The following PLCH2 variants were observed in gnomAD, a reference collection of about 807,000 sequenced individuals.
The protein encoded by PLCH2 is phospholipase C eta 2.
A neutral mutation model predicts 134.7 loss-of-function variants in PLCH2; 98 were observed. The observed-to-expected ratio is 0.73, with a 90% confidence interval of 0.62 to 0.86. PLCH2 has a LOEUF of 0.86. Ranked by LOEUF, PLCH2 falls within the 40% of genes least tolerant of loss-of-function variation. PLCH2 has a pLI of 0.00. For synonymous variants in PLCH2, 974 were observed against 827.5 expected (o/e 1.18, Z -3.04); for missense variants, 1,994 against 1,986.6 (o/e 1.00, Z -0.07).
At chr1:2,503,334 G>A (rs556677894) in intron 21 of PLCH2, 1 of 578,572 alleles carries the variant, frequency 1.7e-6, no homozygotes, top group South Asian at 2.0e-5. Context: ...CTCCCTCTAG[G>A]GCAGGCTCCA....
Position 2,504,481 on chromosome 1 carries a change from T to C in PLCH2, c.3519T>C (p.Ala1173=). The C allele has an allele frequency of 6.2e-7, 1 of 1,612,204 alleles. No homozygotes were observed. The highest frequency in any genetic ancestry group is 8.5e-7 in the Non-Finnish European group (1 of 1,179,702). ...LGLGRSRENL[A]GAHMGRLPPR... Reference sequence around the variant, plus strand: ...TGGGCCGCAGCCGTGAGAACCTCGCTGGAGCCCACATGGGACGCCTGCCCC... The same window carrying C: ...TGGGCCGCAGCCGTGAGAACCTCGCCGGAGCCCACATGGGACGCCTGCCCC... Residue 1173 remains alanine (A), a synonymous_variant, in exon 22 of 22, where the codon GCT becomes GCC. Transcript: ENST00000378486.
the PLCH2 span, among the ~76,000 whole-genome samples, chr1:2,418,352 C>T: frequency 6.6e-6 from 1 of 152,188 alleles, no homozygotes; most frequent in Non-Finnish European, 1.5e-5. Context: ...TCAAAGCTGG[C>T]TCCCGGGTCT....
At chr1:2,486,330 C>T (rs1230022838) in intron 5 of PLCH2, among the ~76,000 whole-genome samples, 4 of 152,212 alleles carry the variant, frequency 2.6e-5, no homozygotes, top group African/African-American at 9.7e-5. Context: ...GGCTCCCCCA[C>T]CTGTTACCTC....
intron 1 of PLCH2, among the ~76,000 whole-genome samples, chr1:2,477,214 C>T (rs539859690): frequency 1.3e-5 from 2 of 152,244 alleles, no homozygotes; most frequent in South Asian, 2.1e-4. Flanking sequence ...TCTGTTCCAG[C>T]GGCAGACAGG....
intron 2 of PLCH2, among the ~76,000 whole-genome samples, chr1:2,433,775 C>T (rs1477955277): frequency 6.6e-6 from 1 of 152,256 alleles, no homozygotes; most frequent in African/African-American, 2.4e-5. Context: ...CCACCTCTCC[C>T]CGCTCCTTCG....
chr1:2,471,821 G>A (rs1011396845), upstream of PLCH2, among the ~76,000 whole-genome samples: 1 of 152,194 alleles, frequency 6.6e-6, no homozygotes, highest in Non-Finnish European at 1.5e-5. Flanking sequence ...AACAAAGTCA[G>A]GCCCCAGGGC....
chr1:2,494,479 G>GA (rs1398685100), intron 11 of PLCH2: 3 of 338,624 alleles, frequency 8.9e-6, no homozygotes, highest in African/African-American at 6.5e-5. Context: ...AGGCCTGGCC[G>GA]AGCAGTATTC....
intron 2 of PLCH2, among the ~76,000 whole-genome samples, chr1:2,432,593 C>G (rs775284649): frequency 6.6e-6 from 1 of 152,204 alleles, no homozygotes; most frequent in East Asian, 1.9e-4. Context: ...GGTGTGCACC[C>G]GGCCCCCACA....
intron 7 of PLCH2, 33 bp downstream of exon 7, chr1:2,487,409 C>T: frequency 6.3e-7 from 1 of 1,579,872 alleles, no homozygotes; most frequent in Non-Finnish European, 8.7e-7. Context: ...CGGCCGTGGG[C>T]TGGCATCTGC....
At chr1:2,466,099 G>A (rs765534727), upstream of PLCH2, among the ~76,000 whole-genome samples, 3 of 152,178 alleles carry the variant, frequency 2.0e-5, no homozygotes, top group South Asian at 4.1e-4. Context: ...TCTGGCACAC[G>A]TGCACTGCAG....
chr1:2,502,203 G>A lies in PLCH2; in HGVS notation c.2753G>A (p.Arg918Gln), dbSNP rs148560510. 1.2e-5 allele frequency: 18 copies of A among 1,537,410 alleles called. No homozygotes were observed. Among genetic ancestry groups the A allele is most frequent in the Admixed American group, 4.0e-5 (2 of 50,126 alleles). Residue 918 changes from arginine to glutamine, a missense_variant, in exon 21 of 22, where the codon CGG becomes CAG. Arg to Gln is a conservative substitution (Grantham distance 43). This residue lies in a region of PLCH2 where 900 missense variants were observed against 752.3 expected (regional missense o/e 1.20). Coordinates refer to ENST00000378486, the MANE Select transcript of PLCH2 (RefSeq NM_014638.4). Reference sequence around the variant, plus strand: ...CATGCTGCTGGGCGGCCCCCGGCCCGGCCCTCCGTTAGCCAGCGGATCCTG... The same window carrying A: ...CATGCTGCTGGGCGGCCCCCGGCCCAGCCCTCCGTTAGCCAGCGGATCCTG... The part of the protein sequence containing the change: ...DSHAAGRPPA[R>Q]PSVSQRILRR...
In PLCH2 at chr1:2,476,670, G is replaced by A. The variant is rs1463668159; in HGVS notation, c.82G>A (p.Gly28Arg). 1 of 1,610,796 alleles carries A rather than the reference G, an allele frequency of 6.2e-7. No homozygotes were observed. Among genetic ancestry groups the A allele is most frequent in the East Asian group, 2.2e-5 (1 of 44,800 alleles). The change falls in exon 1 of 22, where the codon GGG becomes AGG. Residue 28 changes from glycine to arginine, a missense_variant. Physicochemically the swap from Gly to Arg is moderately radical, Grantham distance 125. Around this residue, in one of 2 missense-constraint regions of PLCH2, gnomAD observed 1,094 missense variants for 1,234.3 expected, o/e 0.89. Transcript: ENST00000378486. ...WLAEVLLWVGGSVVLSSEWQL... is the reference protein window; with the variant it reads ...WLAEVLLWVGRSVVLSSEWQL... ...GGCGGAGGTACTCCTCTGGGTTGGA[G>A]GGAGTGTGGTGCTGTCTTCAGAGTG...
At chr1:2,467,524 C>G (rs981313150) in exon 1 of PLCH2, 71 of 398,152 alleles carry the variant, frequency 1.8e-4, no homozygotes, top group Non-Finnish European at 2.5e-4. Context: ...CGCGGGGTGC[C>G]CCTGCTCGGG....
intron 2 of PLCH2, among the ~76,000 whole-genome samples, chr1:2,436,429 TCTCCCTCCTCCCTTCCTCCCTTC>T (rs1557943519): frequency 0.014 from 215 of 15,804 alleles, 15 homozygotes; most frequent in East Asian, 0.12. Context: ...TTTCCTCCTT[TCTCCCTCCTCCCTTCCTCCCTTC>T]CTCCCTCCAC....
chr1:2,460,347 T>C (rs1222669569), intron 2 of PLCH2, among the ~76,000 whole-genome samples: 1 of 152,188 alleles, frequency 6.6e-6, no homozygotes, highest in African/African-American at 2.4e-5. Flanking sequence ...TTTCCTCACT[T>C]CCTCTCCAGC....
At chr1:2,452,244 A>G (rs943128077) in intron 2 of PLCH2, among the ~76,000 whole-genome samples, 11 of 152,188 alleles carry the variant, frequency 7.2e-5, no homozygotes, top group Admixed American at 2.0e-4. Context: ...TTCAGGGAGC[A>G]ATCCGGAGGT....
Position 2,489,341 on chromosome 1 carries a change from C to A in PLCH2, c.1370C>A (p.Pro457His). Residue 457 changes from proline to histidine, a missense_variant, in exon 9 of 22, where the codon CCC becomes CAC. Pro to His is a moderately conservative substitution (Grantham distance 77, BLOSUM62 -2). Transcript: ENST00000378486. ...SVSSEDATTL[P>H]SPQMLKGKIL... ...AGCAGTGAAGATGCCACCACACTCCCCTCTCCACAGATGCTCAAGGGCAAG... is the reference window on the plus strand; with the variant it reads ...AGCAGTGAAGATGCCACCACACTCCACTCTCCACAGATGCTCAAGGGCAAG... 1.2e-6 allele frequency: 2 copies of A among 1,613,858 alleles called. No individual in the cohort carries two copies. Among genetic ancestry groups the A allele is most frequent in the Non-Finnish European group, 1.7e-6 (2 of 1,179,890 alleles).
upstream of PLCH2, among the ~76,000 whole-genome samples, chr1:2,472,280 C>T (rs781441808): frequency 3.3e-5 from 5 of 152,218 alleles, no homozygotes; most frequent in African/African-American, 7.2e-5. Flanking sequence ...TCCCGTGCGG[C>T]GCCAGTCCAG....
At chr1:2,426,660 A>G (rs1280268784) in intron 1 of PLCH2, among the ~76,000 whole-genome samples, 1 of 152,200 alleles carries the variant, frequency 6.6e-6, no homozygotes, top group Non-Finnish European at 1.5e-5. Context: ...CACTCCCTCC[A>G]TGAAGCTGGC....
Sources: gnomAD v4.1 joint callset for allele counts (sites outside exome capture counted in the v4.1 genomes callset) on GRCh38, gnomAD v4.1.1 for gene constraint, gnomAD v4.1.1 regional missense constraint, MANE v1.5 for transcripts, NCBI Gene and HGNC (gene_info 2026-07-23, HGNC 2026-07-21) for gene names.